DDX46: variants seen among roughly 807,000 people sequenced by gnomAD.
DDX46 encodes the protein probable ATP-dependent RNA helicase DDX46.
Under a neutral mutation model 134.9 loss-of-function variants are expected in DDX46, and 30 were observed. That is an observed-to-expected ratio of 0.22 (90% CI 0.17 to 0.30). The LOEUF is 0.30. Among genes scored for constraint, DDX46 ranks in the 10% least tolerant of loss-of-function variants. DDX46 has a pLI of 1.00. For synonymous variants in DDX46, 415 were observed against 404.1 expected (o/e 1.03, Z -0.32); for missense variants, 622 against 1,248.7 (o/e 0.50, Z 7.56).
intron 15 of DDX46, among the ~76,000 whole-genome samples, chr5:134,796,853 TAAA>T (rs140818499): frequency 1.1e-4 from 9 of 81,342 alleles, no homozygotes; most frequent in East Asian, 3.0e-4. Flanking sequence ...ACTCTCTCCA[TAAA>T]AAAAAAAAAA....
At chr5:134,794,550 G>A (rs979619631) in intron 13 of DDX46, among the ~76,000 whole-genome samples, 6 of 152,168 alleles carry the variant, frequency 3.9e-5, no homozygotes, top group Non-Finnish European at 1.5e-5. Flanking sequence ...TAATAAAAAT[G>A]TGTTGAATAA....
At position 134,792,616 on chromosome 5, in the gene DDX46, C is replaced by T. The variant is rs1292453737; in HGVS notation, c.1626+2064C>T. The stretch of plus-strand genomic sequence containing the variant: ...AGATAGAGTGATTGATAGGGACCTT[C>T]TGGTAAACCAAGTTCTTATAGAGTG... On this transcript the variant is annotated intron_variant, in intron 13 of 22. Transcript: ENST00000452510. Among the ~76,000 whole-genome samples the T allele has an allele frequency of 3.3e-5, 5 of 152,156 alleles. No homozygotes were observed. In the East Asian group the frequency reaches 9.6e-4, roughly 29 times the overall value.
intron 2 of DDX46, among the ~76,000 whole-genome samples, chr5:134,766,450 A>G (rs533750893): frequency 1.3e-5 from 2 of 152,132 alleles, no homozygotes; most frequent in East Asian, 3.9e-4. Flanking sequence ...GCTACTCAGG[A>G]GGCTGAGGCA....
At chr5:134,786,244 T>C (rs867753457) in intron 11 of DDX46, among the ~76,000 whole-genome samples, 2 of 152,192 alleles carry the variant, frequency 1.3e-5, no homozygotes, top group South Asian at 2.1e-4. Flanking sequence ...TGTATATGTA[T>C]ATCAAACATG....
chr5:134,781,141 G>A lies in DDX46; in HGVS notation c.774G>A (p.Gly258=), dbSNP rs144571062. The A allele has an allele frequency of 2.5e-6, 4 of 1,577,396 alleles. No individual in the cohort carries two copies. The highest frequency in any genetic ancestry group is 1.2e-5 in the South Asian group (1 of 83,564). ...KGGGGNEKKS[G]PTVTKVVTVV... The stretch of plus-strand genomic sequence containing the variant: ...TTTGTTCTTTATTTTAGAAGTCTGG[G>A]CCAACGGTCACAAAAGTTGTCACTG... The change falls in exon 7 of 23, where the codon GGG becomes GGA. Residue 258 remains glycine (G), a synonymous_variant. Coordinates refer to ENST00000452510, the MANE Select transcript of DDX46 (RefSeq NM_001300860.2).
intron 13 of DDX46, among the ~76,000 whole-genome samples, chr5:134,793,126 C>T (rs184673858): frequency 9.2e-5 from 14 of 152,228 alleles, no homozygotes; most frequent in Non-Finnish European, 1.8e-4. Context: ...CTCTGCACTC[C>T]AGCCTGGGCG....
At chr5:134,792,046 G>A (rs1030601737) in intron 13 of DDX46, among the ~76,000 whole-genome samples, 23 of 151,742 alleles carry the variant, frequency 1.5e-4, no homozygotes, top group African/African-American at 5.6e-4. Flanking sequence ...ACATGGTGAC[G>A]GGCGCCTGTA....
At chr5:134,779,459 G>T (rs1305815542) in intron 6 of DDX46, among the ~76,000 whole-genome samples, 2 of 152,194 alleles carry the variant, frequency 1.3e-5, no homozygotes, top group South Asian at 2.1e-4. Context: ...CTCCCAAAGT[G>T]CTGGGATTAC....
rs1037902535 is a variant in DDX46, at chr5:134,759,087, T to C, written c.17+132T>C. Reference sequence around the variant, plus strand: ...GCGGTCAGCGCTGCCCCGCGAGCATTGGAAGGGCTGGGGGACCTCGGCTGA... The same window carrying C: ...GCGGTCAGCGCTGCCCCGCGAGCATCGGAAGGGCTGGGGGACCTCGGCTGA... On this transcript the variant is annotated intron_variant, in intron 1 of 22. Coordinates refer to ENST00000452510, the MANE Select transcript of DDX46 (RefSeq NM_001300860.2). The C allele has an allele frequency of 3.6e-6, 5 of 1,397,616 alleles. No homozygotes were observed. The Admixed American group carries it at 9.1e-5, about 25-fold the overall frequency. The allele number at this position is 1,397,616 out of a possible 1,614,324, so 86.6% of individuals were successfully genotyped here. A position where few individuals can be genotyped will look rare whatever the true frequency, so the allele number is the denominator to read the frequency against.
intron 11 of DDX46, 146 bp downstream of exon 11, chr5:134,785,732 GAATT>G (rs1402465781): frequency 1.6e-5 from 15 of 966,898 alleles, no homozygotes; most frequent in Non-Finnish European, 2.2e-5. Context: ...ATAATAGTAA[GAATT>G]AGTTATTTTA....
At chr5:134,777,179 C>CT (rs1159529750) in intron 5 of DDX46, among the ~76,000 whole-genome samples, 2 of 152,178 alleles carry the variant, frequency 1.3e-5, no homozygotes, top group African/African-American at 2.4e-5. Context: ...GATTGTGCCA[C>CT]TGTACTCCAG....
At chr5:134,766,529 G>A (rs141626871) in intron 2 of DDX46, among the ~76,000 whole-genome samples, 109 of 151,374 alleles carry the variant, frequency 7.2e-4, no homozygotes, top group East Asian at 9.8e-4. Context: ...ACTCCAGCCT[G>A]GGCAACAAGA....
At chr5:134,800,863 A>G (rs1332911387) in intron 15 of DDX46, among the ~76,000 whole-genome samples, 7 of 152,072 alleles carry the variant, frequency 4.6e-5, no homozygotes, top group Non-Finnish European at 7.4e-5. Flanking sequence ...TTTAGTAGAG[A>G]TGGGTTGTCG....
intron 14 of DDX46, 129 bp from the exon 15 acceptor site, chr5:134,795,859 C>A (rs1447863332): frequency 2.3e-6 from 2 of 866,618 alleles, no homozygotes; most frequent in Non-Finnish European, 3.4e-6. Context: ...AAATCAACAT[C>A]TTCCTAGCCC....
At chr5:134,804,464 G>T (rs1217439808) in intron 15 of DDX46, among the ~76,000 whole-genome samples, 3 of 151,988 alleles carry the variant, frequency 2.0e-5, no homozygotes, top group Admixed American at 6.6e-5. Context: ...TTGGGACAGG[G>T]TTTTACTCTG....
chr5:134,760,464 C>T (rs752954875), intron 1 of DDX46, among the ~76,000 whole-genome samples: 1 of 152,058 alleles, frequency 6.6e-6, no homozygotes, highest in Non-Finnish European at 1.5e-5. Context: ...GCCCAGAAAG[C>T]GGGTGGATTG....
At chr5:134,817,396 C>A in intron 19 of DDX46, 100 bp from the exon 20 acceptor site, 1 of 1,124,244 alleles carries the variant, frequency 8.9e-7, no homozygotes, top group Non-Finnish European at 1.2e-6. Flanking sequence ...ATTAAACTTG[C>A]ATACAAAGTT....
chr5:134,798,184 T>TG (rs1437754262), intron 15 of DDX46, among the ~76,000 whole-genome samples: 24 of 149,694 alleles, frequency 1.6e-4, no homozygotes, highest in East Asian at 1.0e-3. Flanking sequence ...TTTTTTTTTT[T>TG]TTGTTGTTGT....
chr5:134,818,789 C>A, intron 20 of DDX46, 71 bp from the exon 21 acceptor site: 2 of 1,417,438 alleles, frequency 1.4e-6, no homozygotes, highest in Non-Finnish European at 1.9e-6. Flanking sequence ...CCAGCCTAGT[C>A]TTTGTCAGCA....
Sources: gnomAD v4.1 joint callset for allele counts (sites outside exome capture counted in the v4.1 genomes callset) on GRCh38, gnomAD v4.1.1 for gene constraint, MANE v1.5 for transcripts, NCBI Gene and HGNC (gene_info 2026-07-23, HGNC 2026-07-21) for gene names.